The following NAV3 variants were observed in gnomAD, a reference collection of about 807,000 sequenced individuals.
NAV3 encodes neuron navigator 3.
NAV3 carries 87 observed loss-of-function variants against 244.7 expected under a neutral mutation model. The ratio of observed to expected loss-of-function variants is 0.36; its 90% confidence interval spans 0.30 to 0.42. The LOEUF is 0.42. NAV3 is among the 20% of genes least tolerant of loss of function. The pLI is 1.00. For synonymous variants in NAV3, 1,126 were observed against 1,042.2 expected, an observed-to-expected ratio of 1.08 and a Z score of -1.55; for missense variants, 2,663 against 2,893.3, an observed-to-expected ratio of 0.92 and a Z score of 1.83.
chr12:77,637,150 AAAAT>A (rs1180812975), intron 2 of NAV3, among the ~76,000 whole-genome samples: 7 of 152,138 alleles, frequency 4.6e-5, no homozygotes, highest in African/African-American at 9.7e-5. Context: ...AAAAAAAGGA[AAAAT>A]AAATAAATAA....
At chr12:77,935,647 TG>T (rs1889249881) in intron 1 of NAV3, among the ~76,000 whole-genome samples, 1 of 152,162 alleles carries the variant, frequency 6.6e-6, no homozygotes, top group Non-Finnish European at 1.5e-5. Context: ...TTCCATTGGT[TG>T]AGGTATTAGT....
intron 22 of NAV3, among the ~76,000 whole-genome samples, chr12:78,158,311 A>T (rs984542852): frequency 3.9e-5 from 6 of 152,138 alleles, no homozygotes; most frequent in African/African-American, 1.4e-4. Context: ...GTTTGAGATA[A>T]TGTACTTGCA....
intron 18 of NAV3, among the ~76,000 whole-genome samples, chr12:78,136,091 A>G (rs966173120): frequency 1.3e-5 from 2 of 152,106 alleles, no homozygotes; most frequent in East Asian, 3.9e-4. Context: ...TTGTTTTGAG[A>G]GCCAGTACTT....
At chr12:77,973,661 A>G (rs748702459) in intron 5 of NAV3, among the ~76,000 whole-genome samples, 1 of 152,120 alleles carries the variant, frequency 6.6e-6, no homozygotes, top group African/African-American at 2.4e-5. Context: ...TCCAGGAAAC[A>G]TTATTTCCTT....
intron 1 of NAV3, among the ~76,000 whole-genome samples, chr12:77,838,613 C>T (rs1875076520): frequency 6.6e-6 from 1 of 151,928 alleles, no homozygotes; most frequent in South Asian, 2.1e-4. Flanking sequence ...AAAACTAAGA[C>T]TCTAAATATA....
chr12:78,104,440 A>G (rs1024469275), intron 12 of NAV3, among the ~76,000 whole-genome samples: 2 of 152,238 alleles, frequency 1.3e-5, no homozygotes, highest in Non-Finnish European at 2.9e-5. Context: ...GCAAAAGGCA[A>G]AAGTCCTTGA....
At chr12:78,068,082 A>G (rs1409990613) in intron 12 of NAV3, among the ~76,000 whole-genome samples, 1 of 152,022 alleles carries the variant, frequency 6.6e-6, no homozygotes, top group Non-Finnish European at 1.5e-5. Context: ...GCTATAATAG[A>G]CATAAGTATT....
In NAV3 at chr12:77,998,326, T is replaced by C. The variant is rs777633141; in HGVS notation, c.741-11T>C. On this transcript the variant is annotated splice_polypyrimidine_tract_variant and intron_variant, in intron 6 of 39. Coordinates refer to ENST00000397909, the MANE Select transcript of NAV3 (RefSeq NM_001024383.2). The stretch of plus-strand genomic sequence containing the variant: ...TACAATAATGATGTAATTTTTCTTA[T>C]ACTATTTCAGGCTTCCAGGGCCCTC... 4 of 1,544,730 alleles carry C rather than the reference T, an allele frequency of 2.6e-6. No homozygotes were observed. The highest frequency in any genetic ancestry group is 3.5e-6 in the Non-Finnish European group (4 of 1,152,822).
intron 2 of NAV3, among the ~76,000 whole-genome samples, chr12:77,763,731 G>A (rs1279660082): frequency 6.6e-6 from 1 of 152,178 alleles, no homozygotes; most frequent in Non-Finnish European, 1.5e-5. Flanking sequence ...CTAGGACAAG[G>A]TCACCAAATC....
chr12:77,681,759 C>T (rs1401927095), intron 2 of NAV3, among the ~76,000 whole-genome samples: 6 of 152,150 alleles, frequency 3.9e-5, no homozygotes, highest in African/African-American at 1.4e-4. Context: ...ATGTAACTAA[C>T]ATCAACCAGG....
chr12:77,662,610 T>A (rs1347642798), intron 2 of NAV3, among the ~76,000 whole-genome samples: 1 of 152,088 alleles, frequency 6.6e-6, no homozygotes, highest in Non-Finnish European at 1.5e-5. Flanking sequence ...GGTGAGAGAA[T>A]GGATTTTTGC....
intron 2 of NAV3, among the ~76,000 whole-genome samples, chr12:77,813,370 A>G (rs1872385222): frequency 1.3e-5 from 2 of 152,282 alleles, no homozygotes; most frequent in South Asian, 4.1e-4. Flanking sequence ...GTTGTTGGGT[A>G]GGGATGTGAA....
Position 77,807,051 on chromosome 12 carries a change from TG to T in NAV3, c.73-133267del, listed in dbSNP as rs567866488. On this transcript the variant is annotated intron_variant, in intron 2 of 8. Transcript: ENST00000550042. The stretch of plus-strand genomic sequence containing the variant: ...CTTGATAAACATTCCTCCATCCATT[TG>T]TTTTGAGCCTATGTGTGTCTTTGCA... Among the ~76,000 whole-genome samples, 320 of 152,314 alleles carry T rather than the reference TG, an allele frequency of 2.1e-3. 1 individual carries two copies. Among genetic ancestry groups the T allele is most frequent in the Admixed American group, 5.0e-3 (76 of 15,296 alleles).
In NAV3 at chr12:78,190,209, A is replaced by G. The variant is rs746025844; in HGVS notation, c.6281A>G (p.Lys2094Arg). Residue 2094 changes from lysine to arginine, a missense_variant, in exon 34 of 40, where the codon AAG becomes AGG. Transcript: ENST00000397909. ...ATTGCCACTTTTAATGTGGACCACAAGTCAAGTAAGGTATGTTACAGAATT... is the reference window on the plus strand; with the variant it reads ...ATTGCCACTTTTAATGTGGACCACAGGTCAAGTAAGGTATGTTACAGAATT... ...DAIATFNVDH[K>R]SSKELQQYLA... The G allele has an allele frequency of 1.9e-6, 3 of 1,611,288 alleles. No individual in the cohort carries two copies. The highest frequency in any genetic ancestry group is 2.5e-6 in the Non-Finnish European group (3 of 1,178,450).
intron 28 of NAV3, 96 bp from the exon 29 acceptor site, chr12:78,179,433 C>A (rs1050751686): frequency 9.0e-6 from 13 of 1,447,924 alleles, no homozygotes; most frequent in African/African-American, 7.1e-5. Context: ...TCTGTACCTG[C>A]TGGAGAATAT....
intron 1 of NAV3, among the ~76,000 whole-genome samples, chr12:77,925,554 G>A (rs1888119741): frequency 6.6e-6 from 1 of 152,008 alleles, no homozygotes; most frequent in Non-Finnish European, 1.5e-5. Context: ...GGAGGTTTAG[G>A]GTGGCTGTTA....
At chr12:77,650,427 A>T (rs112803595) in intron 2 of NAV3, among the ~76,000 whole-genome samples, 4 of 152,122 alleles carry the variant, frequency 2.6e-5, no homozygotes, top group Non-Finnish European at 5.9e-5. Flanking sequence ...TCTGATTGCC[A>T]CTTCTCTGCT....
intron 2 of NAV3, among the ~76,000 whole-genome samples, chr12:77,715,237 G>T (rs1364009625): frequency 6.6e-6 from 1 of 151,900 alleles, no homozygotes; most frequent in Admixed American, 6.6e-5. Context: ...CCAATCTTTA[G>T]TATAACGTTG....
At chr12:78,078,513 A>G (rs1953180429) in intron 12 of NAV3, among the ~76,000 whole-genome samples, 1 of 145,782 alleles carries the variant, frequency 6.9e-6, no homozygotes, top group African/African-American at 2.5e-5. Context: ...CTCCTGCCTC[A>G]GCCTCCCAAG....
Sources: gnomAD v4.1 joint callset for allele counts (sites outside exome capture counted in the v4.1 genomes callset) on GRCh38, gnomAD v4.1.1 for gene constraint, MANE v1.5 for transcripts, NCBI Gene and HGNC (gene_info 2026-07-23, HGNC 2026-07-21) for gene names.